AIG1: variants seen among roughly 807,000 people sequenced by gnomAD.
AIG1 encodes the protein androgen-induced gene 1 protein.
In AIG1, 23 loss-of-function variants were observed where a neutral mutation model predicts 31.4. The ratio of observed to expected loss-of-function variants is 0.73; its 90% confidence interval spans 0.53 to 1.04. The LOEUF (loss-of-function observed/expected upper bound fraction) is 1.04. AIG1 is among the 50% of genes least tolerant of loss of function. The pLI is 0.00. For synonymous variants in AIG1, 100 were observed against 110.5 expected, an observed-to-expected ratio of 0.90 and a Z score of 0.60; for missense variants, 274 against 295.0, an observed-to-expected ratio of 0.93 and a Z score of 0.52.
At chr6:143,060,678 C>T (rs746777673), upstream of AIG1, 14 of 450,768 alleles carry the variant, frequency 3.1e-5, no homozygotes, top group South Asian at 2.2e-4. Flanking sequence ...GACGACACGC[C>T]GCCTGCCAGG....
At chr6:143,157,361 C>A (rs1463213802) in intron 2 of AIG1, among the ~76,000 whole-genome samples, 2 of 151,686 alleles carry the variant, frequency 1.3e-5, no homozygotes, top group African/African-American at 4.8e-5. Context: ...GCAGAGTGCT[C>A]TGATTCTCAT....
At chr6:143,129,048 T>A (rs1476376011) in intron 1 of AIG1, among the ~76,000 whole-genome samples, 1 of 152,156 alleles carries the variant, frequency 6.6e-6, no homozygotes, top group Non-Finnish European at 1.5e-5. Context: ...TCCCAGCATT[T>A]TGGGAGGCCG....
rs142945677 is a variant in AIG1 at position 143,097,993 on chromosome 6, A to G, written c.141+36927A>G. On this transcript the variant is annotated intron_variant, in intron 1 of 5. Transcript: ENST00000357847. ...GTATCTCTCCTCCCTCCTGTGTTAC[A>G]GTTTTCCATTTCAATTGCTTCATTT... Among the ~76,000 whole-genome samples, 174 of 152,296 alleles carry G rather than the reference A, an allele frequency of 1.1e-3. 1 individual carries two copies. Among genetic ancestry groups the G allele is most frequent in the African/African-American group, 4.0e-3 (166 of 41,570 alleles).
chr6:143,265,472 C>T lies in AIG1; in HGVS notation c.400-18638C>T, dbSNP rs79261143. Among the ~76,000 whole-genome samples the T allele has an allele frequency of 4.4e-3, 670 of 152,302 alleles. 4 individuals are homozygous for T. Among genetic ancestry groups the T allele is most frequent in the African/African-American group, 0.015 (636 of 41,558 alleles). The stretch of plus-strand genomic sequence containing the variant: ...CACCTGATAATGTCTCAGTCTTTCT[C>T]TCATTCTCTTCCCTCTTCCCCTCTC... On this transcript the variant is annotated intron_variant, in intron 3 of 5. Coordinates refer to ENST00000357847, the MANE Select transcript of AIG1 (RefSeq NM_016108.4).
rs149412601 is a variant in AIG1, at chr6:143,095,196, G to C, written c.141+34130G>C. 2.2e-3 allele frequency among the ~76,000 whole-genome samples: 333 copies of C among 152,114 alleles called. 2 individuals carry two copies. Among genetic ancestry groups the C allele is most frequent in the African/African-American group, 7.5e-3 (312 of 41,502 alleles). On this transcript the variant is annotated intron_variant, in intron 1 of 5. Coordinates refer to ENST00000357847, the MANE Select transcript of AIG1 (RefSeq NM_016108.4). The stretch of plus-strand genomic sequence containing the variant: ...AAAGGAAAAAGAAAATAATGAAAGA[G>C]AAACCGTGAGGTAAAGAGAATGGAA...
At chr6:143,204,050 T>C (rs905817573) in intron 3 of AIG1, among the ~76,000 whole-genome samples, 8 of 152,158 alleles carry the variant, frequency 5.3e-5, no homozygotes, top group East Asian at 1.9e-4. Context: ...ATTGAGCAGA[T>C]TTGTAGATAG....
intron 3 of AIG1, among the ~76,000 whole-genome samples, chr6:143,217,644 G>T (rs1041584256): frequency 3.9e-5 from 6 of 152,052 alleles, no homozygotes; most frequent in African/African-American, 1.4e-4. Flanking sequence ...AGGTAGCTGG[G>T]ATTACAGGCA....
rs1313821317 is a variant in AIG1, at chr6:143,339,466, T to C, written c.680-173T>C. 33 of 553,792 alleles carry C rather than the reference T, an allele frequency of 6.0e-5. No individual in the cohort carries two copies. The East Asian group carries it at 1.2e-3, about 19-fold the overall frequency. The allele number at this position is 553,792 out of a possible 1,614,324, so 34.3% of individuals were successfully genotyped here. On this transcript the variant is annotated intron_variant, in intron 5 of 5. Coordinates refer to ENST00000357847, the MANE Select transcript of AIG1 (RefSeq NM_016108.4). ...TCACTGAGGATGTTTCTGGAGAAAGTTGTGCATGGCTTTCCTTCTTAGCTA... is the reference window on the plus strand; with the variant it reads ...TCACTGAGGATGTTTCTGGAGAAAGCTGTGCATGGCTTTCCTTCTTAGCTA...
At chr6:143,236,460 TCCGGCCTATGGC>T in intron 3 of AIG1, among the ~76,000 whole-genome samples, 1 of 152,374 alleles carries the variant, frequency 6.6e-6, no homozygotes, top group African/African-American at 2.4e-5. Context: ...CCTCTTGCCA[TCCGGCCTATGGC>T]CAGAGCCCAG....
At chr6:143,195,337 C>G (rs1018131166) in intron 3 of AIG1, among the ~76,000 whole-genome samples, 3 of 152,114 alleles carry the variant, frequency 2.0e-5, no homozygotes, top group South Asian at 4.1e-4. Context: ...ATACCAAAAA[C>G]TAGTTTAGGT....
At chr6:143,195,158 CGGT>C (rs1411214614) in intron 3 of AIG1, among the ~76,000 whole-genome samples, 3 of 152,032 alleles carry the variant, frequency 2.0e-5, no homozygotes, top group African/African-American at 7.2e-5. Flanking sequence ...TAAAGGCTGA[CGGT>C]GGGAGTTTAG....
rs1165449488 is a variant in AIG1 at position 143,333,342 on chromosome 6, C to A, written c.576C>A (p.Gly192=). The A allele has an allele frequency of 6.2e-7, 1 of 1,613,790 alleles. No individual in the cohort carries two copies. The highest frequency in any genetic ancestry group is 1.1e-5 in the South Asian group (1 of 91,010). Reference sequence around the variant, plus strand: ...TGTACCCTTTCCTGGAACACATTGGCCCAGGAGCCAGAATCATCTTCTTTG... The same window carrying A: ...TGTACCCTTTCCTGGAACACATTGGACCAGGAGCCAGAATCATCTTCTTTG... The part of the protein sequence containing the change: ...MWVYPFLEHI[G]PGARIIFFGS... The change falls in exon 5 of 6, where the codon GGC becomes GGA. Residue 192 remains glycine (G), a synonymous_variant. Transcript: ENST00000357847. This position sits in a 1 kb window ranked among gnomAD's most constrained non-coding sequence, Gnocchi z 4.6.
chr6:143,217,703 C>T (rs1273873954), intron 3 of AIG1, among the ~76,000 whole-genome samples: 2 of 152,032 alleles, frequency 1.3e-5, no homozygotes, highest in African/African-American at 4.8e-5. Context: ...GAGACAGGGT[C>T]TCACCATGTT....
chr6:143,171,016 G>A (rs1417066786), intron 3 of AIG1, among the ~76,000 whole-genome samples: 2 of 151,890 alleles, frequency 1.3e-5, no homozygotes, highest in African/African-American at 4.8e-5. Context: ...AATAAGAGAT[G>A]GGAAAAGGCA....
intron 3 of AIG1, among the ~76,000 whole-genome samples, chr6:143,214,701 C>T (rs1285683827): frequency 2.6e-5 from 4 of 152,154 alleles, no homozygotes; most frequent in Non-Finnish European, 5.9e-5. Flanking sequence ...TGAAACCCAA[C>T]ATCTTGGTGC....
At chr6:143,189,809 TA>T in intron 3 of AIG1, 1 of 980,526 alleles carries the variant, frequency 1.0e-6, no homozygotes, top group East Asian at 1.1e-4. Context: ...ACTTCGTAAA[TA>T]AAAAAGAGAT....
chr6:143,220,739 G>T (rs1023835650), intron 3 of AIG1, among the ~76,000 whole-genome samples: 1 of 152,218 alleles, frequency 6.6e-6, no homozygotes, highest in East Asian at 1.9e-4. Flanking sequence ...TACACTTCGA[G>T]TGTTTATTGG....
At chr6:143,230,742 A>T (rs533888138) in intron 3 of AIG1, among the ~76,000 whole-genome samples, 1 of 152,254 alleles carries the variant, frequency 6.6e-6, no homozygotes, top group South Asian at 2.1e-4. Context: ...TTTTCAAAAT[A>T]CTATAATAGC....
chr6:143,069,730 G>A (rs538051633), intron 1 of AIG1, among the ~76,000 whole-genome samples: 1 of 152,228 alleles, frequency 6.6e-6, no homozygotes, highest in African/African-American at 2.4e-5. Context: ...TATGTGATTT[G>A]CAAATGTTTT....
Sources: gnomAD v4.1 joint callset for allele counts (sites outside exome capture counted in the v4.1 genomes callset) on GRCh38, gnomAD v4.1.1 for gene constraint, Gnocchi (gnomAD v3.1) non-coding constraint, MANE v1.5 for transcripts, NCBI Gene and HGNC (gene_info 2026-07-23, HGNC 2026-07-21) for gene names.